ADH6: variants seen among roughly 807,000 people sequenced by gnomAD.
ADH6 encodes alcohol dehydrogenase 6 (class V).
A neutral mutation model predicts 36.5 loss-of-function variants in ADH6; 34 were observed. The ratio of observed to expected loss-of-function variants is 0.93; its 90% CI spans 0.71 to 1.24. The LOEUF is 1.24. ADH6 is among the 50% of genes most tolerant of loss of function. The pLI, the probability that ADH6 is intolerant of heterozygous loss-of-function variation, is 0.00. For synonymous variants in ADH6, 161 were observed against 155.5 expected (o/e 1.04, Z -0.26); for missense variants, 440 against 447.0 (o/e 0.98, Z 0.14).
At chr4:99,215,679 G>A (rs1731383781) in intron 2 of ADH6, 1 of 152,370 alleles carries the variant, frequency 6.6e-6, no homozygotes, top group African/African-American at 2.4e-5. Context: ...TACTCTACTA[G>A]CTGTGTGACC....
chr4:99,205,097 T>A (rs377086451), intron 7 of ADH6, 34 bp from the exon 8 acceptor site: 110 of 1,532,360 alleles, frequency 7.2e-5, no homozygotes, highest in Non-Finnish European at 9.6e-5. Context: ...ATTTTACACA[T>A]GAGGCTTCAT....
Position 99,203,099 on chromosome 4 carries a change from A to T in ADH6, c.*1120T>A. ...ACTATTTTGTTTAGATCAAAAAATG[A>T]TATTCCATTTTTTGGTCTCCCAAGG... On this transcript the variant is annotated 3_prime_UTR_variant, in exon 9 of 9. Coordinates refer to ENST00000394899, the MANE Select transcript of ADH6 (RefSeq NM_001102470.2). 1 of 279,612 alleles carries T rather than the reference A, an allele frequency of 3.6e-6. No individual in the cohort carries two copies. The highest frequency in any genetic ancestry group is 6.6e-6 in the Non-Finnish European group (1 of 150,510). The allele number at this position is 279,612 out of a possible 1,614,324, so 17.3% of individuals were successfully genotyped here. A position where few individuals can be genotyped will look rare whatever the true frequency, so the allele number is the denominator to read the frequency against.
Position 99,205,033 on chromosome 4 carries a change from A to G in ADH6, c.995T>C (p.Leu332Pro). The change falls in exon 8 of 9, where the codon CTG (leucine) becomes CCG (proline). Residue 332 changes from leucine (L) to proline (P), a missense_variant. Transcript: ENST00000394899. ...GWKSRQHIPK[L>P]VADYMAEKLN... The stretch of plus-strand genomic sequence containing the variant: ...CTTCTCTGCCATATAATCAGCAACC[A>G]GTTTAGGGATGTGCTGTCTGCTCTT... 6.3e-7 allele frequency: 1 copy of G among 1,599,400 alleles called. No homozygotes were observed. Among genetic ancestry groups the G allele is most frequent in the South Asian group, 1.1e-5 (1 of 88,710 alleles).
rs1184733573 is a variant in ADH6 at position 99,210,213 on chromosome 4, T to C, written c.436A>G (p.Thr146Ala). Residue 146 changes from threonine to alanine, a missense_variant, in exon 5 of 9, where the codon ACC (threonine) becomes GCC (alanine). Coordinates refer to ENST00000394899, the MANE Select transcript of ADH6 (RefSeq NM_001102470.2). ...TTTATCACTGTGTATTCACAGAAGG[T>C]GCTGGTATTACCAAAGTGATATATT... is the stretch of plus-strand genomic sequence containing the variant. Reference protein sequence around the residue: ...KSIYHFGNTSTFCEYTVIKEI... With the variant: ...KSIYHFGNTSAFCEYTVIKEI... 3.1e-6 allele frequency: 5 copies of C among 1,613,788 alleles called. No homozygotes were observed. Among genetic ancestry groups the C allele is most frequent in the Non-Finnish European group, 4.2e-6 (5 of 1,179,846 alleles).
chr4:99,217,462 A>G (rs932294155), intron 1 of ADH6, among the ~76,000 whole-genome samples: 2 of 152,168 alleles, frequency 1.3e-5, no homozygotes, highest in Non-Finnish European at 2.9e-5. Flanking sequence ...GCGTAAGAAC[A>G]TGTGATATTT....
chr4:99,212,149 C>CTA, intron 3 of ADH6, among the ~76,000 whole-genome samples: 1 of 152,146 alleles, frequency 6.6e-6, no homozygotes, highest in East Asian at 1.9e-4. Flanking sequence ...GAATAAGTTT[C>CTA]TAGAATTGAA....
At chr4:99,207,269 G>A (rs1261410395) in intron 7 of ADH6, among the ~76,000 whole-genome samples, 177 bp downstream of exon 7, 1 of 151,714 alleles carries the variant, frequency 6.6e-6, no homozygotes, top group Non-Finnish European at 1.5e-5. Context: ...AGCTTTCCAA[G>A]AGGCACTAGA....
chr4:99,208,666 AC>A lies in ADH6; in HGVS notation c.828+1del. 2 of 1,611,978 alleles carry A rather than the reference AC, an allele frequency of 1.2e-6. No individual in the cohort carries two copies. The highest frequency in any genetic ancestry group is 1.7e-6 in the Non-Finnish European group (2 of 1,178,928). On this transcript the variant is annotated splice_donor_variant, in intron 6 of 8. Transcript: ENST00000394899. LOFTEE classifies it high-confidence loss of function. The stretch of plus-strand genomic sequence containing the variant: ...TAATTTTCACTCCAGAGGATTACAT[AC>A]CAGAACGTCCAGATTTCCAATGGCC...
At chr4:99,204,594 C>T in intron 8 of ADH6, 1 of 1,174,554 alleles carries the variant, frequency 8.5e-7, no homozygotes, top group South Asian at 3.4e-5. Context: ...TTGTGAACTA[C>T]CTTCTTATGT....
intron 3 of ADH6, among the ~76,000 whole-genome samples, chr4:99,212,286 T>C (rs1005463536): frequency 3.3e-5 from 5 of 152,146 alleles, no homozygotes; most frequent in Admixed American, 1.3e-4. Flanking sequence ...GTGAACTCTA[T>C]ATATTATCAA....
At chr4:99,209,682 T>C (rs1470759078) in intron 5 of ADH6, among the ~76,000 whole-genome samples, 1 of 152,150 alleles carries the variant, frequency 6.6e-6, no homozygotes, top group Admixed American at 6.5e-5. Context: ...TCATGCAATA[T>C]AATATTAGCT....
At chr4:99,208,219 T>G (rs1487681394) in intron 6 of ADH6, among the ~76,000 whole-genome samples, 1 of 152,120 alleles carries the variant, frequency 6.6e-6, no homozygotes, top group Non-Finnish European at 1.5e-5. Flanking sequence ...AAAACAAGCC[T>G]TAGATTTTTA....
chr4:99,207,569 C>T lies in ADH6; in HGVS notation c.841G>A (p.Ala281Thr), dbSNP rs148534811. 6.6e-5 allele frequency: 107 copies of T among 1,613,178 alleles called. 1 individual carries two copies. In the East Asian group the frequency reaches 9.6e-4, roughly 14 times the overall value. Residue 281 changes from alanine (A) to threonine (T), a missense_variant, in exon 7 of 9, where the codon GCC (alanine) becomes ACC (threonine). Physicochemically the swap from Ala to Thr is moderately conservative, Grantham distance 58. Coordinates refer to ENST00000394899, the MANE Select transcript of ADH6 (RefSeq NM_001102470.2). ...ACCCCATAGCTCTCATTGCAGGAGGCGAGGGCAGCTGCCTGTTAGAAAGTG... is the reference window on the plus strand; with the variant it reads ...ACCCCATAGCTCTCATTGCAGGAGGTGAGGGCAGCTGCCTGTTAGAAAGTG... ...GNLDVLAAAL[A>T]SCNESYGVCV...
Position 99,202,999 on chromosome 4 carries a change from T to C in ADH6, c.*1220A>G. On this transcript the variant is annotated 3_prime_UTR_variant, in exon 9 of 9. Coordinates refer to ENST00000394899, the MANE Select transcript of ADH6 (RefSeq NM_001102470.2). Reference sequence around the variant, plus strand: ...TCAGACTGTTATGAGAGTCCTTTGATATCATGTGAAAACCATGATGGGAGA... The same window carrying C: ...TCAGACTGTTATGAGAGTCCTTTGACATCATGTGAAAACCATGATGGGAGA... The C allele has an allele frequency of 2.6e-6, 1 of 391,976 alleles. No homozygotes were observed. Among genetic ancestry groups the C allele is most frequent in the Admixed American group, 4.4e-5 (1 of 22,578 alleles). 24.3% of individuals were successfully genotyped at this position (391,976 alleles called of 1,614,324 possible). A position where few individuals can be genotyped will look rare whatever the true frequency, so the allele number is the denominator to read the frequency against.
At chr4:99,214,324 C>T (rs1046726590) in intron 2 of ADH6, among the ~76,000 whole-genome samples, 3 of 151,982 alleles carry the variant, frequency 2.0e-5, no homozygotes, top group African/African-American at 4.8e-5. Context: ...CCCAGTAGTT[C>T]GAGGCTGCAG....
intron 7 of ADH6, 56 bp downstream of exon 7, chr4:99,207,390 C>A (rs10025760): frequency 1.9e-6 from 3 of 1,600,192 alleles, no homozygotes; most frequent in Non-Finnish European, 2.6e-6. Context: ...GTACATTTTT[C>A]TATTTCCCAC....
chr4:99,209,079 G>T, intron 5 of ADH6, 151 bp from the exon 6 acceptor site: 1 of 874,302 alleles, frequency 1.1e-6, no homozygotes, highest in Non-Finnish European at 1.6e-6. Flanking sequence ...TAACTACAAA[G>T]TTTTGATTTT....
At position 99,213,678 on chromosome 4, in the gene ADH6, G is replaced by C. The variant is rs528740741; in HGVS notation, c.190C>G (p.Pro64Ala). 2.5e-6 allele frequency: 4 copies of C among 1,613,676 alleles called. No homozygotes were observed. Among genetic ancestry groups the C allele is most frequent in the Middle Eastern group, 1.6e-4 (1 of 6,084 alleles). The change falls in exon 3 of 9, where the codon CCC becomes GCC. Residue 64 changes from proline (P) to alanine (A), a missense_variant. By Grantham distance (27) the Pro-to-Ala change is conservative. Transcript: ENST00000394899. ...GCCCCTTCATGGCCCAAGATGGTGG[G>C]ATACAAGAGGTCCAAGTGTTTACTC... ...LGSKHLDLLY[P>A]TILGHEGAGI...
At chr4:99,215,987 A>G (rs1335133910) in intron 2 of ADH6, 174 bp downstream of exon 2, 2 of 418,526 alleles carry the variant, frequency 4.8e-6, no homozygotes, top group Admixed American at 8.5e-5. Context: ...CTAACCTTTT[A>G]TCTGGCTGGA....
Sources: allele counts gnomAD v4.1 joint callset (sites outside exome capture counted in the v4.1 genomes callset), GRCh38; gene constraint gnomAD v4.1.1; transcripts MANE v1.5; gene names NCBI Gene and HGNC (gene_info 2026-07-23, HGNC 2026-07-21).